The following USP13 variants were observed in gnomAD, a reference collection of about 807,000 sequenced individuals.
The protein encoded by USP13 is ubiquitin carboxyl-terminal hydrolase 13.
In USP13, 68 loss-of-function variants were observed where a neutral mutation model predicts 107.8. The observed-to-expected ratio is 0.63, with a 90% CI of 0.52 to 0.77. The LOEUF is 0.77. USP13 is among the 30% of genes least tolerant of loss of function. The probability of loss-of-function intolerance (pLI) is 0.00; values close to 1 mark genes in which losing one functional copy is unlikely to be tolerated. For synonymous variants in USP13, 377 were observed against 389.5 expected, an observed-to-expected ratio of 0.97 and a Z score of 0.38; for missense variants, 945 against 1,093.3, an observed-to-expected ratio of 0.86 and a Z score of 1.91.
intron 1 of USP13, among the ~76,000 whole-genome samples, chr3:179,677,886 T>A (rs1412795708): frequency 1.3e-5 from 2 of 152,196 alleles, no homozygotes; most frequent in African/African-American, 4.8e-5. Context: ...TCCCCAATTA[T>A]AAAATGATTC....
chr3:179,779,548 AAG>A (rs1715669260), intron 19 of USP13, among the ~76,000 whole-genome samples: 1 of 151,866 alleles, frequency 6.6e-6, no homozygotes, highest in Non-Finnish European at 1.5e-5. Flanking sequence ...ACAACAAAAA[AAG>A]AGAACAACAG....
intron 19 of USP13, among the ~76,000 whole-genome samples, chr3:179,766,864 G>T (rs1010103444): frequency 3.9e-5 from 6 of 152,044 alleles, no homozygotes; most frequent in African/African-American, 1.4e-4. Flanking sequence ...TAACATTCAG[G>T]CTCTTTAGCT....
chr3:179,713,669 A>G lies in USP13; in HGVS notation c.805+4712A>G, dbSNP rs1021417188. Among the ~76,000 whole-genome samples, 10 of 152,216 alleles carry G rather than the reference A, an allele frequency of 6.6e-5. No homozygotes were observed. In the East Asian group the frequency reaches 1.7e-3, roughly 26 times the overall value. On this transcript the variant is annotated intron_variant, in intron 6 of 20. Coordinates refer to ENST00000263966, the MANE Select transcript of USP13 (RefSeq NM_003940.3). ...TTTTTAGTTCATAATGAGAGCCACA[A>G]CTGCCAGTAAGTAGGATGTTTATGT...
chr3:179,783,922 G>A (rs545388203), intron 20 of USP13, 126 bp from the exon 21 acceptor site: 25 of 595,454 alleles, frequency 4.2e-5, no homozygotes, highest in African/African-American at 1.5e-4. Context: ...TTTATACAAC[G>A]AACTTGAGTA....
At chr3:179,701,651 G>C (rs1712528110) in intron 4 of USP13, among the ~76,000 whole-genome samples, 1 of 152,342 alleles carries the variant, frequency 6.6e-6, no homozygotes, top group East Asian at 1.9e-4. Context: ...AGATCTGCGG[G>C]AGCTCTGGGA....
At chr3:179,775,338 C>G (rs946410385) in intron 19 of USP13, among the ~76,000 whole-genome samples, 1 of 151,324 alleles carries the variant, frequency 6.6e-6, no homozygotes, top group Non-Finnish European at 1.5e-5. Context: ...GAGTACTGAT[C>G]GGTGCATCCA....
chr3:179,669,136 T>G (rs1172198931), intron 1 of USP13, among the ~76,000 whole-genome samples: 1 of 152,162 alleles, frequency 6.6e-6, no homozygotes, highest in Admixed American at 6.5e-5. Context: ...CTACATCTAA[T>G]CCACCTCCTG....
In USP13 at chr3:179,668,247, G is replaced by A. The variant is rs997201715; in HGVS notation, c.169-13631G>A. Among the ~76,000 whole-genome samples the A allele has an allele frequency of 7.9e-5, 12 of 152,102 alleles. 1 individual carries two copies. The highest frequency in any genetic ancestry group is 3.9e-4 in the East Asian group (2 of 5,186). On this transcript the variant is annotated intron_variant, in intron 1 of 20. Coordinates refer to ENST00000263966, the MANE Select transcript of USP13 (RefSeq NM_003940.3). ...CCTCCTGGGCTCAAGTGGTCCTCCC[G>A]CCTCAGCCTTTTGAGTAGCTGGGAC...
chr3:179,766,838 G>A lies in USP13; in HGVS notation c.2413+990G>A, dbSNP rs114065640. 3.8e-3 allele frequency among the ~76,000 whole-genome samples: 584 copies of A among 152,302 alleles called. 3 individuals are homozygous for A. The highest frequency in any genetic ancestry group is 6.0e-3 in the Non-Finnish European group (411 of 68,012). On this transcript the variant is annotated intron_variant, in intron 19 of 20. Coordinates refer to ENST00000263966, the MANE Select transcript of USP13 (RefSeq NM_003940.3). ...TTTGTGATATCCTGTTTCTTGGGCT[G>A]TCATTGCCTGTAGAATAACATTCAG... is the stretch of plus-strand genomic sequence containing the variant.
intron 17 of USP13, among the ~76,000 whole-genome samples, chr3:179,763,381 T>C (rs1715069875): frequency 6.6e-6 from 1 of 152,220 alleles, no homozygotes; most frequent in Non-Finnish European, 1.5e-5. Context: ...CCATTTTGAG[T>C]TAATTTTGTG....
At chr3:179,675,242 A>G (rs904924418) in intron 1 of USP13, among the ~76,000 whole-genome samples, 3 of 151,080 alleles carry the variant, frequency 2.0e-5, no homozygotes, top group African/African-American at 7.4e-5. Context: ...TGGGCTGAAT[A>G]TATGAGTCTG....
rs143656785 is a variant in USP13 at position 179,781,492 on chromosome 3, C to G, written c.2414-247C>G. ...GCTGTGGGATTTTTTAAATCCCTTT[C>G]CACATTTGAATTTAACATCAGCTGT... On this transcript the variant is annotated intron_variant, in intron 19 of 20. Coordinates refer to ENST00000263966, the MANE Select transcript of USP13 (RefSeq NM_003940.3). Among the ~76,000 whole-genome samples, 108 of 152,094 alleles carry G rather than the reference C, an allele frequency of 7.1e-4. No individual in the cohort carries two copies. In the East Asian group the frequency reaches 0.02, roughly 29 times the overall value.
At position 179,788,827 on chromosome 3, in the gene USP13, A is replaced by G. The variant is rs1214908282; in HGVS notation, c.*4686A>G. On this transcript the variant is annotated 3_prime_UTR_variant, in exon 21 of 21. Coordinates refer to ENST00000263966, the MANE Select transcript of USP13 (RefSeq NM_003940.3). ...TTCTGCAAAGTATCTAAATAGACAG[A>G]AACAACACAAATATTTTTGCTGGAG... 1 of 152,236 alleles carries G rather than the reference A, an allele frequency of 6.6e-6. No individual in the cohort carries two copies. Among genetic ancestry groups the G allele is most frequent in the Non-Finnish European group, 1.5e-5 (1 of 68,038 alleles). 9.4% of individuals were successfully genotyped at this position (152,236 alleles called of 1,614,324 possible).
At chr3:179,680,172 A>AG (rs1711596681) in intron 1 of USP13, among the ~76,000 whole-genome samples, 1 of 120,330 alleles carries the variant, frequency 8.3e-6, no homozygotes, top group Non-Finnish European at 1.7e-5. Context: ...GACGCTGTTG[A>AG]AAACAACAAC....
intron 2 of USP13, among the ~76,000 whole-genome samples, chr3:179,684,841 G>C: frequency 6.6e-6 from 1 of 150,644 alleles, no homozygotes; most frequent in East Asian, 1.9e-4. Context: ...AATTTTCCTG[G>C]GTATTTCTAG....
Position 179,725,230 on chromosome 3 carries a change from C to A in USP13, c.1088+3641C>A, listed in dbSNP as rs1458636980. Among the ~76,000 whole-genome samples, 5 of 152,108 alleles carry A rather than the reference C, an allele frequency of 3.3e-5. 1 individual carries two copies. Among genetic ancestry groups the A allele is most frequent in the Admixed American group, 3.3e-4 (5 of 15,262 alleles). ...CTGTCTTGAAAAAATAAAATTTATT[C>A]TCTTTACTCTTCTATCTATCTTGCC... On this transcript the variant is annotated intron_variant, in intron 8 of 20. Coordinates refer to ENST00000263966, the MANE Select transcript of USP13 (RefSeq NM_003940.3).
chr3:179,676,702 T>G (rs984055378), intron 1 of USP13, among the ~76,000 whole-genome samples: 1 of 152,128 alleles, frequency 6.6e-6, no homozygotes, highest in African/African-American at 2.4e-5. Flanking sequence ...ACTGGGGTGT[T>G]TGTTTGTTCT....
rs1157068426 is a variant in USP13 at position 179,682,888 on chromosome 3, C to T, written c.294+885C>T. On this transcript the variant is annotated intron_variant, in intron 2 of 20. Transcript: ENST00000263966. ...TATCTTTGTTTTTATTAGATAGTGC[C>T]AAGTCTCTCCCCAGAGTGATTGTAC... is the stretch of plus-strand genomic sequence containing the variant. 3.3e-5 allele frequency among the ~76,000 whole-genome samples: 5 copies of T among 152,140 alleles called. No individual in the cohort carries two copies. In the East Asian group the frequency reaches 9.6e-4, roughly 29 times the overall value.
intron 1 of USP13, among the ~76,000 whole-genome samples, chr3:179,676,839 T>A (rs1370716294): frequency 6.6e-6 from 1 of 152,216 alleles, no homozygotes; most frequent in Non-Finnish European, 1.5e-5. Flanking sequence ...ACTACCTCTG[T>A]GGCCAGCCTT....
Sources: gnomAD v4.1 joint callset for allele counts (sites outside exome capture counted in the v4.1 genomes callset) on GRCh38, gnomAD v4.1.1 for gene constraint, MANE v1.5 for transcripts, NCBI Gene and HGNC (gene_info 2026-07-23, HGNC 2026-07-21) for gene names.